BCAS3: variants seen among roughly 807,000 people sequenced by gnomAD.
The protein encoded by BCAS3 is BCAS4/BCAS3 fusion.
Under a neutral mutation model 116.1 loss-of-function variants are expected in BCAS3, and 53 were observed. That is an observed-to-expected ratio of 0.46 (90% CI 0.37 to 0.57). The LOEUF is 0.57. BCAS3 is among the 20% of genes least tolerant of loss of function. The probability of loss-of-function intolerance (pLI) is 0.00; values close to 1 mark genes in which losing one functional copy is unlikely to be tolerated. For missense variants in BCAS3, 917 were observed against 1,165.4 expected (o/e 0.79, Z 3.10); for synonymous variants, 391 against 408.2 (o/e 0.96, Z 0.51).
intron 22 of BCAS3, among the ~76,000 whole-genome samples, chr17:61,150,433 C>G (rs2077482761): frequency 6.6e-6 from 1 of 152,144 alleles, no homozygotes; most frequent in African/African-American, 2.4e-5. Context: ...TTATGACTTA[C>G]TGAAGTAGGA....
At chr17:61,127,436 C>G (rs1377348121) in intron 22 of BCAS3, among the ~76,000 whole-genome samples, 1 of 151,942 alleles carries the variant, frequency 6.6e-6, no homozygotes, top group Non-Finnish European at 1.5e-5. Flanking sequence ...TCATGGTGGT[C>G]ACTTCTGCTT....
At chr17:60,981,631 C>T (rs906561571) in intron 14 of BCAS3, among the ~76,000 whole-genome samples, 12 of 152,118 alleles carry the variant, frequency 7.9e-5, no homozygotes, top group Non-Finnish European at 1.5e-5. Context: ...GACATTTGGA[C>T]AGAGTTGCAA....
At chr17:60,681,230 T>C (rs1010184519) in intron 2 of BCAS3, among the ~76,000 whole-genome samples, 23 of 152,138 alleles carry the variant, frequency 1.5e-4, no homozygotes, top group African/African-American at 5.3e-4. Flanking sequence ...CTGGGCGCAG[T>C]GGCTCATGCC....
At chr17:60,814,302 T>TGCGCGCGTGCGC (rs58998607) in intron 7 of BCAS3, among the ~76,000 whole-genome samples, 1 of 138,752 alleles carries the variant, frequency 7.2e-6, no homozygotes, top group African/African-American at 3.0e-5. Flanking sequence ...TGTGTGTGTG[T>TGCGCGCGTGCGC]GTGTGCGCGC....
Position 61,333,537 on chromosome 17 carries a change from C to T in BCAS3, c.2426-34790C>T, listed in dbSNP as rs2056464659. Among the ~76,000 whole-genome samples, 1 of 152,198 alleles carries T rather than the reference C, an allele frequency of 6.6e-6. No individual in the cohort carries two copies. The highest frequency in any genetic ancestry group is 2.4e-5 in the African/African-American group (1 of 41,450). ...AAACCACGCAATGTCTGCCAGCGCT[C>T]ACTGCCTTCCTGAGCCCAACAGCCC... is the stretch of plus-strand genomic sequence containing the variant. On this transcript the variant is annotated intron_variant, in intron 22 of 23. Coordinates refer to ENST00000407086, the MANE Select transcript of BCAS3 (RefSeq NM_017679.5). The surrounding 1 kb of genome is among the most constrained non-coding windows in gnomAD (Gnocchi z 4.8).
chr17:61,207,985 G>T (rs2081244096), intron 22 of BCAS3, among the ~76,000 whole-genome samples: 1 of 152,096 alleles, frequency 6.6e-6, no homozygotes, highest in Non-Finnish European at 1.5e-5. Context: ...AATAGAATTA[G>T]AGGGGAAAAT....
intron 19 of BCAS3, chr17:61,070,354 T>A: frequency 6.6e-6 from 4 of 610,680 alleles, no homozygotes; most frequent in Non-Finnish European, 1.2e-5. Flanking sequence ...TGAGTCCAGC[T>A]GCCTAATTCT....
chr17:60,797,038 G>A (rs2047275517), intron 6 of BCAS3, among the ~76,000 whole-genome samples: 1 of 152,110 alleles, frequency 6.6e-6, no homozygotes. Flanking sequence ...GGGATTACAG[G>A]TGTGTGCCAC....
chr17:61,184,295 T>A (rs2079638975), intron 22 of BCAS3, among the ~76,000 whole-genome samples: 1 of 151,814 alleles, frequency 6.6e-6, no homozygotes, highest in Non-Finnish European at 1.5e-5. Flanking sequence ...AACTCAATAA[T>A]GAGGAAAAAA....
chr17:61,321,295 C>G (rs938396651), intron 22 of BCAS3, among the ~76,000 whole-genome samples: 4 of 152,158 alleles, frequency 2.6e-5, no homozygotes, highest in African/African-American at 9.7e-5. Flanking sequence ...AAGGACAGAG[C>G]GTTAGCAAAA....
At chr17:60,827,217 A>G (rs1405247978) in intron 7 of BCAS3, among the ~76,000 whole-genome samples, 5 of 152,254 alleles carry the variant, frequency 3.3e-5, no homozygotes, top group East Asian at 1.9e-4. Flanking sequence ...TGTGAATTCA[A>G]TGAGGCACTG....
intron 5 of BCAS3, among the ~76,000 whole-genome samples, chr17:60,742,450 T>A (rs35618784): frequency 1.4e-5 from 2 of 147,530 alleles, no homozygotes; most frequent in African/African-American, 2.6e-5. Context: ...TTTTTTTTTT[T>A]GAGACTGAGT....
At chr17:60,793,867 CAT>C (rs764344047) in intron 6 of BCAS3, among the ~76,000 whole-genome samples, 12 of 152,204 alleles carry the variant, frequency 7.9e-5, no homozygotes, top group East Asian at 3.9e-4. Context: ...CTGCTATAAA[CAT>C]GTGTGTGTAA....
At chr17:61,305,080 A>G (rs143731316) in intron 22 of BCAS3, among the ~76,000 whole-genome samples, 76 of 152,224 alleles carry the variant, frequency 5.0e-4, no homozygotes, top group African/African-American at 1.7e-3. Context: ...TAAAGTGTTT[A>G]TTCATATTGG....
At chr17:60,838,635 C>T (rs1212165803) in intron 7 of BCAS3, among the ~76,000 whole-genome samples, 1 of 151,850 alleles carries the variant, frequency 6.6e-6, no homozygotes, top group Non-Finnish European at 1.5e-5. Flanking sequence ...AAACTATAGA[C>T]AATAAAGAAA....
intron 22 of BCAS3, among the ~76,000 whole-genome samples, chr17:61,272,549 G>A (rs1476659962): frequency 7.0e-6 from 1 of 142,754 alleles, no homozygotes; most frequent in Non-Finnish European, 1.5e-5. Flanking sequence ...TGAGGTGGGA[G>A]GATTGCTTGA....
intron 6 of BCAS3, among the ~76,000 whole-genome samples, chr17:60,760,753 C>T (rs1405341557): frequency 6.6e-6 from 1 of 152,058 alleles, no homozygotes; most frequent in African/African-American, 2.4e-5. Flanking sequence ...AGGTCTTTCT[C>T]TTGCTAGACT....
intron 7 of BCAS3, chr17:60,821,682 A>T (rs2049981448): frequency 6.6e-6 from 1 of 151,686 alleles, no homozygotes; most frequent in African/African-American, 2.4e-5. Flanking sequence ...ATGATATTAC[A>T]TGTATCAATA....
intron 22 of BCAS3, among the ~76,000 whole-genome samples, chr17:61,263,098 G>A (rs2050448642): frequency 6.6e-6 from 1 of 152,230 alleles, no homozygotes. Context: ...CAAAGTCTTA[G>A]CAGGAAACCA....
Sources: gnomAD v4.1 joint callset for allele counts (sites outside exome capture counted in the v4.1 genomes callset) on GRCh38, gnomAD v4.1.1 for gene constraint, Gnocchi (gnomAD v3.1) non-coding constraint, MANE v1.5 for transcripts, NCBI Gene and HGNC (gene_info 2026-07-23, HGNC 2026-07-21) for gene names.